CCDC73: variants seen among roughly 807,000 people sequenced by gnomAD.
CCDC73 encodes coiled-coil domain-containing protein 73.
CCDC73 carries 95 observed loss-of-function variants against 116.5 expected under a neutral mutation model. The ratio of observed to expected loss-of-function variants is 0.82; its 90% confidence interval spans 0.69 to 0.97. The LOEUF (loss-of-function observed/expected upper bound fraction) is 0.97, where lower values mean the gene tolerates loss of function less well. Among genes scored for constraint, CCDC73 ranks in the 50% least tolerant of loss-of-function variants. The probability of loss-of-function intolerance (pLI) is 0.00; values close to 1 mark genes in which losing one functional copy is unlikely to be tolerated. For synonymous variants in CCDC73, 398 were observed against 401.3 expected (o/e 0.99, Z 0.10); for missense variants, 1,066 against 1,206.8 (o/e 0.88, Z 1.73).
intron 9 of CCDC73, among the ~76,000 whole-genome samples, chr11:32,672,763 T>C (rs1005835305): frequency 4.6e-5 from 7 of 152,168 alleles, no homozygotes; most frequent in African/African-American, 1.4e-4. Flanking sequence ...AAAGAAATGT[T>C]TTCTACATAT....
At chr11:32,688,245 A>G (rs1233552060) in intron 6 of CCDC73, among the ~76,000 whole-genome samples, 1 of 152,218 alleles carries the variant, frequency 6.6e-6, no homozygotes, top group Non-Finnish European at 1.5e-5. Context: ...ATAGGATTCA[A>G]TAAGAAGAAT....
At chr11:32,675,782 TTAC>T in intron 8 of CCDC73, 101 bp downstream of exon 8, 1 of 1,230,728 alleles carries the variant, frequency 8.1e-7, no homozygotes, top group Non-Finnish European at 1.1e-6. Context: ...TAACTGCCAT[TTAC>T]TATTATCAGT....
At chr11:32,694,498 G>A (rs1856290933) in intron 6 of CCDC73, among the ~76,000 whole-genome samples, 1 of 152,124 alleles carries the variant, frequency 6.6e-6, no homozygotes, top group African/African-American at 2.4e-5. Flanking sequence ...CAATTTACAT[G>A]ATGAGTTAAT....
chr11:32,703,623 C>G (rs1318105477), intron 3 of CCDC73, among the ~76,000 whole-genome samples: 3 of 152,136 alleles, frequency 2.0e-5, no homozygotes, highest in Non-Finnish European at 4.4e-5. Flanking sequence ...ACAACAACAA[C>G]AACAACAAAA....
At chr11:32,794,288 G>C (rs951790600) in intron 1 of CCDC73, 1 of 152,152 alleles carries the variant, frequency 6.6e-6, no homozygotes, top group Non-Finnish European at 1.5e-5. Flanking sequence ...CCACCACCAC[G>C]CAAGGCACAT....
chr11:32,744,923 T>TA (rs1259269514), intron 2 of CCDC73, among the ~76,000 whole-genome samples: 1 of 152,208 alleles, frequency 6.6e-6, no homozygotes, highest in Non-Finnish European at 1.5e-5. Flanking sequence ...TCTCTGATCT[T>TA]AGTTATTTCT....
intron 2 of CCDC73, among the ~76,000 whole-genome samples, chr11:32,728,024 G>T (rs566577566): frequency 1.3e-5 from 2 of 152,242 alleles, no homozygotes; most frequent in South Asian, 2.1e-4. Context: ...GGCTGAGGCA[G>T]GTGGATCGCT....
chr11:32,787,442 C>CTT (rs1590648089), intron 1 of CCDC73, among the ~76,000 whole-genome samples: 1 of 152,034 alleles, frequency 6.6e-6, no homozygotes, highest in Admixed American at 6.6e-5. Context: ...ACACAATTGT[C>CTT]TTTTTTATAT....
intron 1 of CCDC73, among the ~76,000 whole-genome samples, chr11:32,768,308 A>T: frequency 6.6e-6 from 1 of 152,030 alleles, no homozygotes. Flanking sequence ...AACATCACAC[A>T]CCAGGGCCTG....
chr11:32,746,050 G>T (rs2133362427), intron 2 of CCDC73, among the ~76,000 whole-genome samples: 1 of 152,250 alleles, frequency 6.6e-6, no homozygotes, highest in African/African-American at 2.4e-5. Flanking sequence ...GCATGTTTTT[G>T]CAGGGACTAG....
the CCDC73 span, among the ~76,000 whole-genome samples, chr11:32,825,293 G>C: frequency 3.5e-5 from 4 of 115,348 alleles, no homozygotes; most frequent in Admixed American, 1.1e-4. Flanking sequence ...TTCTGATGCA[G>C]ACTTTTTTTT....
intron 1 of CCDC73, among the ~76,000 whole-genome samples, chr11:32,793,264 T>G (rs947947469): frequency 2.0e-5 from 3 of 152,180 alleles, no homozygotes; most frequent in African/African-American, 7.2e-5. Flanking sequence ...AAGACTCAAA[T>G]TGGCCGAAGA....
intron 2 of CCDC73, among the ~76,000 whole-genome samples, chr11:32,732,164 A>G (rs956873328): frequency 5.3e-5 from 8 of 152,246 alleles, no homozygotes; most frequent in African/African-American, 1.9e-4. Flanking sequence ...AAGAAAGGGT[A>G]TCAGTGATTG....
At chr11:32,672,171 G>A (rs1016152948) in intron 9 of CCDC73, among the ~76,000 whole-genome samples, 5 of 152,182 alleles carry the variant, frequency 3.3e-5, no homozygotes, top group African/African-American at 7.2e-5. Flanking sequence ...GTGAAACCCC[G>A]TCTCTACTAA....
chr11:32,663,985 T>C (rs1855955415), intron 9 of CCDC73, among the ~76,000 whole-genome samples: 2 of 152,218 alleles, frequency 1.3e-5, no homozygotes, highest in Admixed American at 6.5e-5. Flanking sequence ...ATTACACTTA[T>C]TGATTTGCAT....
At chr11:32,798,398 G>A (rs1024182742), upstream of CCDC73, among the ~76,000 whole-genome samples, 6 of 152,184 alleles carry the variant, frequency 3.9e-5, no homozygotes, top group African/African-American at 1.4e-4. Context: ...GGCCCCAGGG[G>A]TTCTGGGCCC....
At chr11:32,663,774 G>A (rs1284194206) in intron 9 of CCDC73, among the ~76,000 whole-genome samples, 1 of 152,176 alleles carries the variant, frequency 6.6e-6, no homozygotes, top group Non-Finnish European at 1.5e-5. Flanking sequence ...CAAAGGGAAT[G>A]CTTCGAGTTT....
At chr11:32,700,045 T>C (rs1352178) in intron 5 of CCDC73, among the ~76,000 whole-genome samples, 41,081 of 151,512 alleles carry the variant, frequency 0.27, 5,887 homozygotes, top group South Asian at 0.35. Flanking sequence ...TGAAATAGAA[T>C]GTCTTATTAT....
intron 6 of CCDC73, among the ~76,000 whole-genome samples, chr11:32,695,552 C>T (rs913573136): frequency 2.0e-5 from 3 of 152,096 alleles, no homozygotes; most frequent in Non-Finnish European, 4.4e-5. Flanking sequence ...AAGACGTTAG[C>T]ATTTTCCATT....
Sources: allele counts gnomAD v4.1 joint callset (sites outside exome capture counted in the v4.1 genomes callset), GRCh38; gene constraint gnomAD v4.1.1; transcripts MANE v1.5; gene names NCBI Gene and HGNC (gene_info 2026-07-23, HGNC 2026-07-21).